The following KCNH6 variants were observed in gnomAD, a reference collection of about 807,000 sequenced individuals.
KCNH6 encodes the protein potassium voltage-gated channel subfamily H member 6, also known as voltage-gated inwardly rectifying potassium channel KCNH6.
KCNH6 carries 81 observed loss-of-function variants against 83.4 expected under a neutral mutation model. That is an observed-to-expected ratio of 0.97 (90% CI 0.81 to 1.17). The LOEUF is 1.17. Among genes scored for constraint, KCNH6 ranks in the 50% most tolerant of loss-of-function variants. KCNH6 has a pLI of 0.00. For synonymous variants in KCNH6, 503 were observed against 545.6 expected (o/e 0.92, Z 1.09); for missense variants, 1,203 against 1,290.5 (o/e 0.93, Z 1.04).
rs1314720408 is a variant in KCNH6, at chr17:63,542,412, A to G, written c.2126A>G (p.Glu709Gly). The G allele has an allele frequency of 3.1e-6, 5 of 1,613,986 alleles. No homozygotes were observed. The highest frequency in any genetic ancestry group is 3.4e-6 in the Non-Finnish European group (4 of 1,180,014). ...GCGGAGAGCTTCTGGAGTAAGCTGG[A>G]GGTCACCTTCAACCTGCGGGACGTG... ...AFAESFWSKL[E>G]VTFNLRDAAG... Residue 709 changes from glutamate to glycine, a missense_variant, in exon 9 of 13, where the codon GAG becomes GGG. Glu to Gly is a moderately conservative substitution (Grantham distance 98). Coordinates refer to ENST00000314672, the MANE Select transcript of KCNH6 (RefSeq NM_001278919.2).
rs1240370173 is a variant in KCNH6 at position 63,535,624 on chromosome 17, C to T, written c.1102-45C>T. 1 of 1,548,968 alleles carries T rather than the reference C, an allele frequency of 6.5e-7. No homozygotes were observed. Among genetic ancestry groups the T allele is most frequent in the Non-Finnish European group, 8.7e-7 (1 of 1,143,686 alleles). ...CAAAAGCAGGCCTGACTGCACCCTT[C>T]CAAGGGCTGACCCCAGCCCTGTGAC... is the stretch of plus-strand genomic sequence containing the variant. On this transcript the variant is annotated intron_variant, in intron 5 of 12. Coordinates refer to ENST00000314672, the MANE Select transcript of KCNH6 (RefSeq NM_001278919.2). This position sits in a 1 kb window ranked among gnomAD's most constrained non-coding sequence, Gnocchi z 4.9.
intron 2 of KCNH6, among the ~76,000 whole-genome samples, chr17:63,529,112 G>A (rs190611599): frequency 1.3e-5 from 2 of 152,354 alleles, no homozygotes; most frequent in African/African-American, 4.8e-5. Flanking sequence ...TGGGATTACA[G>A]GCATGAGCCA....
At position 63,534,232 on chromosome 17, in the gene KCNH6, A is replaced by T. The variant is rs570153359; in HGVS notation, c.1022A>T (p.Tyr341Phe). 6.2e-7 allele frequency: 1 copy of T among 1,614,092 alleles called. No homozygotes were observed. Among genetic ancestry groups the T allele is most frequent in the East Asian group, 2.2e-5 (1 of 44,884 alleles). Reference sequence around the variant, plus strand: ...CACCCCCGCCGCATCGCCGTCCACTACTTCAAGGGCTGGTTCCTCATTGAC... The same window carrying T: ...CACCCCCGCCGCATCGCCGTCCACTTCTTCAAGGGCTGGTTCCTCATTGAC... ...VSHPRRIAVH[Y>F]FKGWFLIDMV... Residue 341 changes from tyrosine to phenylalanine, a missense_variant, in exon 5 of 13, where the codon TAC becomes TTC. Tyr to Phe is a conservative substitution (Grantham distance 22, BLOSUM62 3). Transcript: ENST00000314672. The surrounding 1 kb of genome is among the most constrained non-coding windows in gnomAD (Gnocchi z 5.0).
Position 63,533,943 on chromosome 17 carries a change from C to CA in KCNH6, c.734dup (p.His245GlnfsTer84), listed in dbSNP as rs1184064498. ...GTACAAGCTGCAGGCGCCGCGCATC[C>CA]ACCGCTGGACCATCCTGCACTACAG... On this transcript the variant is annotated frameshift_variant, in exon 5 of 13. Transcript: ENST00000314672. LOFTEE classifies it high-confidence loss of function. The surrounding 1 kb of genome is among the most constrained non-coding windows in gnomAD (Gnocchi z 4.1). 4 of 1,614,092 alleles carry CA rather than the reference C, an allele frequency of 2.5e-6. No individual in the cohort carries two copies. The highest frequency in any genetic ancestry group is 1.7e-5 in the Admixed American group (1 of 60,022).
intron 11 of KCNH6, among the ~76,000 whole-genome samples, chr17:63,544,733 T>C (rs147458019): frequency 2.2e-4 from 34 of 152,210 alleles, no homozygotes; most frequent in African/African-American, 7.9e-4. Context: ...CAGGTTCAAA[T>C]TCTGGCTCTG....
In KCNH6 at chr17:63,546,021, G is replaced by A; in HGVS notation, c.*119G>A. 1.1e-6 allele frequency: 1 copy of A among 902,866 alleles called. No homozygotes were observed. The highest frequency in any genetic ancestry group is 1.7e-6 in the Non-Finnish European group (1 of 596,298). 55.9% of individuals were successfully genotyped at this position (902,866 alleles called of 1,614,324 possible). ...AATCCCAGCACTTTGGGAGGCCGAGGCGGGCGGATCAGACCATCCTGGCTA... is the reference window on the plus strand; with the variant it reads ...AATCCCAGCACTTTGGGAGGCCGAGACGGGCGGATCAGACCATCCTGGCTA... On this transcript the variant is annotated 3_prime_UTR_variant, in exon 13 of 13. Transcript: ENST00000314672.
intron 2 of KCNH6, among the ~76,000 whole-genome samples, chr17:63,527,463 G>T (rs1229370304): frequency 6.6e-6 from 1 of 152,218 alleles, no homozygotes; most frequent in East Asian, 1.9e-4. Flanking sequence ...TCAAGAGGGA[G>T]AGAAGAGGAG....
chr17:63,525,289 G>T (rs140360917), intron 2 of KCNH6, among the ~76,000 whole-genome samples: 1 of 152,318 alleles, frequency 6.6e-6, no homozygotes, highest in East Asian at 1.9e-4. Context: ...ATTTGCCCAA[G>T]ATCCCACTGC....
At position 63,524,134 on chromosome 17, in the gene KCNH6, C is replaced by T. The variant is rs1838877230; in HGVS notation, c.77-5C>T. 6.2e-7 allele frequency: 1 copy of T among 1,610,346 alleles called. No individual in the cohort carries two copies. Among genetic ancestry groups the T allele is most frequent in the Admixed American group, 1.7e-5 (1 of 59,984 alleles). On this transcript the variant is annotated splice_region_variant and splice_polypyrimidine_tract_variant and intron_variant, in intron 1 of 12. Transcript: ENST00000314672. ...GGACTTTTTGCCTCCCACCTCCCAC[C>T]CCAGGTCGGAAGTTCCTGATTGCCA...
In KCNH6 at chr17:63,545,629, G is replaced by T. The variant is rs767271764; in HGVS notation, c.2604G>T (p.Leu868Phe). 251 of 1,613,748 alleles carry T rather than the reference G, an allele frequency of 1.6e-4. 2 individuals carry two copies. In the Admixed American group the frequency reaches 4.1e-3, roughly 26 times the overall value. Residue 868 changes from leucine to phenylalanine, a missense_variant, in exon 13 of 13, where the codon TTG becomes TTT. Coordinates refer to ENST00000314672, the MANE Select transcript of KCNH6 (RefSeq NM_001278919.2). ...CCCAGACCCCAAGCTATGGAGACTT[G>T]GATGACTGTAGTCCAAAGCACAGGA... The part of the protein sequence containing the change: ...PPAQTPSYGD[L>F]DDCSPKHRNS...
chr17:63,529,259 A>G (rs946614954), intron 2 of KCNH6, among the ~76,000 whole-genome samples: 1 of 152,180 alleles, frequency 6.6e-6, no homozygotes, highest in Non-Finnish European at 1.5e-5. Flanking sequence ...GGGCTGCCCA[A>G]GATAATGGGG....
intron 8 of KCNH6, among the ~76,000 whole-genome samples, chr17:63,541,279 C>T (rs1413117630): frequency 6.8e-6 from 1 of 148,084 alleles, no homozygotes; most frequent in Non-Finnish European, 1.5e-5. Flanking sequence ...TAGTCAGGTG[C>T]CTCTTGCTTT....
chr17:63,545,735 G>C lies in KCNH6; in HGVS notation c.2710G>C (p.Gly904Arg). Residue 904 changes from glycine (G) to arginine (R), a missense_variant, in exon 13 of 13, where the codon GGG becomes CGG. Gly to Arg is a moderately radical substitution (Grantham distance 125). Transcript: ENST00000314672. The stretch of plus-strand genomic sequence containing the variant: ...ATCCTCAGAACAGGAACAGCCTGAG[G>C]GGCTCTGGCCACCCCTAGCCTCACC... ...APSSEQEQPEGLWPPLASPLH... is the reference protein window; with the variant it reads ...APSSEQEQPERLWPPLASPLH... The C allele has an allele frequency of 1.2e-6, 2 of 1,614,092 alleles. No homozygotes were observed. Among genetic ancestry groups the C allele is most frequent in the Non-Finnish European group, 1.7e-6 (2 of 1,180,022 alleles).
At chr17:63,524,055 C>G in intron 1 of KCNH6, 84 bp from the exon 2 acceptor site, 2 of 935,316 alleles carry the variant, frequency 2.1e-6, no homozygotes, top group Non-Finnish European at 3.5e-6. Context: ...CCCCTTACTG[C>G]CACCAAGAGT....
At chr17:63,540,302 G>A (rs539263972) in intron 8 of KCNH6, among the ~76,000 whole-genome samples, 14 of 152,072 alleles carry the variant, frequency 9.2e-5, no homozygotes, top group Non-Finnish European at 1.3e-4. Flanking sequence ...GCATGGTGGC[G>A]GGTGCCTGTA....
rs996564903 is a variant in KCNH6, at chr17:63,543,433, C to G, written c.2149-143C>G. ...GCAGCCTGGGCCACCTGCAGGAAGT[C>G]GTCCAGGGCATCGCTGCTGTGCCCA... On this transcript the variant is annotated intron_variant, in intron 9 of 12. Transcript: ENST00000314672. 10 of 635,986 alleles carry G rather than the reference C, an allele frequency of 1.6e-5. No individual in the cohort carries two copies. In the Admixed American group the frequency reaches 2.6e-4, roughly 17 times the overall value. 39.4% of individuals were successfully genotyped at this position (635,986 alleles called of 1,614,324 possible). A position where few individuals can be genotyped will look rare whatever the true frequency, so the allele number is the denominator to read the frequency against.
chr17:63,547,181 G>T (rs1347048296), downstream of KCNH6, among the ~76,000 whole-genome samples: 2 of 152,116 alleles, frequency 1.3e-5, no homozygotes, highest in African/African-American at 2.4e-5. Flanking sequence ...AGGTGTTCAG[G>T]TTGCGAAAGA....
At chr17:63,548,315 A>G (rs2147750073), downstream of KCNH6, among the ~76,000 whole-genome samples, 2 of 152,170 alleles carry the variant, frequency 1.3e-5, 1 homozygote, top group East Asian at 3.9e-4. Flanking sequence ...TAATCCCAGC[A>G]TTTTGGGAGG....
At chr17:63,527,913 C>T (rs985171767) in intron 2 of KCNH6, among the ~76,000 whole-genome samples, 3 of 152,194 alleles carry the variant, frequency 2.0e-5, no homozygotes, top group African/African-American at 4.8e-5. Context: ...TGGCACCCCA[C>T]CCCAGCCCCA....
Sources: allele counts gnomAD v4.1 joint callset (sites outside exome capture counted in the v4.1 genomes callset), GRCh38; gene constraint gnomAD v4.1.1; non-coding constraint Gnocchi (gnomAD v3.1); transcripts MANE v1.5; gene names NCBI Gene and HGNC (gene_info 2026-07-23, HGNC 2026-07-21).